GLIPR1: variants seen among roughly 807,000 people sequenced by gnomAD.
The protein encoded by GLIPR1 is GLI pathogenesis related 1.
Under a neutral mutation model 30.3 loss-of-function variants are expected in GLIPR1, and 38 were observed. The ratio of observed to expected loss-of-function variants is 1.26; its 90% CI spans 0.97 to 1.65. GLIPR1 has a LOEUF of 1.65. GLIPR1 is among the 40% of genes most tolerant of loss of function. GLIPR1 has a pLI of 0.00. For synonymous variants in GLIPR1, 122 were observed against 110.6 expected (o/e 1.10, Z -0.65); for missense variants, 285 against 326.5 (o/e 0.87, Z 0.98).
rs774922818 is a variant in GLIPR1, at chr12:75,482,074, A to C, written c.415A>C (p.Thr139Pro). 27 of 1,613,556 alleles carry C rather than the reference A, an allele frequency of 1.7e-5. No individual in the cohort carries two copies. The highest frequency in any genetic ancestry group is 2.1e-5 in the Non-Finnish European group (25 of 1,179,578). ...RICKKVCGHYTQVVWADSYKV... is the reference protein window; with the variant it reads ...RICKKVCGHYPQVVWADSYKV... ...ATGCAAAAAAGTCTGTGGCCACTAC[A>C]CTCAGGTAAGGATCTGCCCTATATT... Residue 139 changes from threonine (T) to proline (P), a missense_variant, in exon 2 of 6, where the codon ACT (threonine) becomes CCT (proline). Transcript: ENST00000266659.
chr12:75,481,979 T>A lies in GLIPR1; in HGVS notation c.320T>A (p.Ile107Asn). 6.2e-7 allele frequency: 1 copy of A among 1,614,076 alleles called. No individual in the cohort carries two copies. The highest frequency in any genetic ancestry group is 8.5e-7 in the Non-Finnish European group (1 of 1,179,962). Residue 107 changes from isoleucine to asparagine, a missense_variant, in exon 2 of 6, where the codon ATT becomes AAT. Coordinates refer to ENST00000266659, the MANE Select transcript of GLIPR1 (RefSeq NM_006851.3). ...AACATCTGGACTGGGTCTGTGCCCA[T>A]TTTTTCTGTGTCTTCCGCCATCACA... The part of the protein sequence containing the change: ...GENIWTGSVP[I>N]FSVSSAITNW...
At chr12:75,483,123 C>CA (rs2046278875) in intron 2 of GLIPR1, among the ~76,000 whole-genome samples, 1 of 152,056 alleles carries the variant, frequency 6.6e-6, no homozygotes, top group Non-Finnish European at 1.5e-5. Flanking sequence ...GGTGCAGTTA[C>CA]AAAAAATTAT....
chr12:75,489,524 C>T (rs1013653647), intron 2 of GLIPR1, among the ~76,000 whole-genome samples: 1 of 152,168 alleles, frequency 6.6e-6, no homozygotes, highest in Non-Finnish European at 1.5e-5. Context: ...TCAACATATT[C>T]TGAACAAAAC....
In GLIPR1 at chr12:75,498,710, C is replaced by T; in HGVS notation, c.636C>T (p.Asp212=). The T allele has an allele frequency of 6.2e-7, 1 of 1,612,716 alleles. No homozygotes were observed. ...LDNLCVNRQR[D]QVKRYYSVVY... is the part of the protein sequence containing the mutation. The stretch of plus-strand genomic sequence containing the variant: ...ACTTTACAGTTAACCGACAGCGAGA[C>T]CAAGTCAAACGTACGTACATCAATC... Residue 212 remains aspartate (D), a synonymous_variant, in exon 5 of 6, where the codon GAC becomes GAT. Coordinates refer to ENST00000266659, the MANE Select transcript of GLIPR1 (RefSeq NM_006851.3).
intron 3 of GLIPR1, chr12:75,490,900 C>T (rs1350911510): frequency 6.4e-6 from 1 of 155,226 alleles, no homozygotes; most frequent in Non-Finnish European, 1.4e-5. Flanking sequence ...GGCAATTTTA[C>T]ACAATTTTCA....
chr12:75,501,850 T>C lies in GLIPR1; in HGVS notation c.*2872T>C, dbSNP rs369679719. 8.9e-6 allele frequency: 14 copies of C among 1,572,636 alleles called. No individual in the cohort carries two copies. The African/African-American group carries it at 1.8e-4, about 20-fold the overall frequency. ...ATAAATAAAAAATATATCAGTTAAA[T>C]GTATTTATAGTTAAATAATTCAAGT... On this transcript the variant is annotated 3_prime_UTR_variant, in exon 6 of 6. Coordinates refer to ENST00000266659, the MANE Select transcript of GLIPR1 (RefSeq NM_006851.3).
At chr12:75,486,545 G>C (rs1003072050) in intron 2 of GLIPR1, among the ~76,000 whole-genome samples, 1 of 152,092 alleles carries the variant, frequency 6.6e-6, no homozygotes, top group East Asian at 1.9e-4. Context: ...AAGCCTTGTG[G>C]CTCCAAAGCC....
rs1385752791 is a variant in GLIPR1, at chr12:75,499,080, G to GA, written c.*109dup. ...TGTACTTCTATTTTAAAACATTTCAGAAAAAAATATATGTTATAGCAATAC... is the reference window on the plus strand; with the variant it reads ...TGTACTTCTATTTTAAAACATTTCAGAAAAAAAATATATGTTATAGCAATAC... On this transcript the variant is annotated 3_prime_UTR_variant, in exon 6 of 6. Transcript: ENST00000266659. 3 of 679,854 alleles carry GA rather than the reference G, an allele frequency of 4.4e-6. No homozygotes were observed. The highest frequency in any genetic ancestry group is 7.0e-6 in the Non-Finnish European group (3 of 430,156). The allele number at this position is 679,854 out of a possible 1,614,324, so 42.1% of individuals were successfully genotyped here.
chr12:75,497,146 A>C (rs2046356389), intron 4 of GLIPR1: 1 of 152,200 alleles, frequency 6.6e-6, no homozygotes, highest in Admixed American at 6.5e-5. Context: ...GACCACTGTG[A>C]CTTTGGGCAA....
intron 2 of GLIPR1, 113 bp downstream of exon 2, chr12:75,482,192 G>C: frequency 1.1e-6 from 1 of 908,190 alleles, no homozygotes; most frequent in Non-Finnish European, 1.7e-6. Flanking sequence ...AAATATAAGG[G>C]AGTTAAATAG....
rs1008108026 is a variant in GLIPR1 at position 75,490,353 on chromosome 12, C to T, written c.421-53C>T. The T allele has an allele frequency of 1.5e-5, 15 of 985,188 alleles. No homozygotes were observed. In the African/African-American group the frequency reaches 2.2e-4, roughly 15 times the overall value. The allele number at this position is 985,188 out of a possible 1,614,324, so 61.0% of individuals were successfully genotyped here. A position where few individuals can be genotyped will look rare whatever the true frequency, so the allele number is the denominator to read the frequency against. On this transcript the variant is annotated intron_variant, in intron 2 of 5. Coordinates refer to ENST00000266659, the MANE Select transcript of GLIPR1 (RefSeq NM_006851.3). ...CCATGTTTATGAAGACCTAATCATACCCAATGTTTATCTTATGGTTTTTCT... is the reference window on the plus strand; with the variant it reads ...CCATGTTTATGAAGACCTAATCATATCCAATGTTTATCTTATGGTTTTTCT...
chr12:75,499,660 T>C lies in GLIPR1; in HGVS notation c.*682T>C. 1 of 420,702 alleles carries C rather than the reference T, an allele frequency of 2.4e-6. No individual in the cohort carries two copies. Among genetic ancestry groups the C allele is most frequent in the Non-Finnish European group, 4.1e-6 (1 of 246,668 alleles). The allele number at this position is 420,702 out of a possible 1,614,324, so 26.1% of individuals were successfully genotyped here. ...TTCAAAAAATACAATAATAATATAA[T>C]TTATAAAGAACACTCTTCTATGAAC... On this transcript the variant is annotated 3_prime_UTR_variant, in exon 6 of 6. Coordinates refer to ENST00000266659, the MANE Select transcript of GLIPR1 (RefSeq NM_006851.3).
In GLIPR1 at chr12:75,490,441, A is replaced by G. The variant is rs2046315148; in HGVS notation, c.456A>G (p.Ala152=). The change falls in exon 3 of 6, where the codon GCA becomes GCG. Residue 152 remains alanine, a synonymous_variant. Transcript: ENST00000266659. ...CAGATAGTTACAAAGTTGGCTGCGC[A>G]GTTCAATTTTGCCCTAAAGTTTCTG... ...VWADSYKVGC[A]VQFCPKVSGF... The G allele has an allele frequency of 6.3e-7, 1 of 1,591,408 alleles. No individual in the cohort carries two copies. The highest frequency in any genetic ancestry group is 8.6e-7 in the Non-Finnish European group (1 of 1,165,446).
In GLIPR1 at chr12:75,503,847, G is replaced by C. The variant is rs1453972845; in HGVS notation, c.*4869G>C. On this transcript the variant is annotated 3_prime_UTR_variant, in exon 6 of 6. Transcript: ENST00000266659. ...CTGAAATACTTTCAATAAAGTTTCT[G>C]ACCAAATACATTAAAATAGATTCTC... is the stretch of plus-strand genomic sequence containing the variant. 1 of 1,463,202 alleles carries C rather than the reference G, an allele frequency of 6.8e-7. No individual in the cohort carries two copies. The highest frequency in any genetic ancestry group is 2.1e-5 in the Admixed American group (1 of 48,422). 90.6% of individuals were successfully genotyped at this position (1,463,202 alleles called of 1,614,324 possible).
At chr12:75,494,324 T>C (rs558244095) in intron 3 of GLIPR1, 13 of 152,218 alleles carry the variant, frequency 8.5e-5, no homozygotes, top group Non-Finnish European at 1.8e-4. Context: ...ACATTTCCTT[T>C]CATTATGAAT....
chr12:75,492,065 C>T (rs1024018461), intron 3 of GLIPR1: 3 of 149,448 alleles, frequency 2.0e-5, no homozygotes, highest in Admixed American at 6.7e-5. Context: ...AGCCATAATT[C>T]AGTTAGTGGT....
chr12:75,500,030 A>ATATATGTT lies in GLIPR1; in HGVS notation c.*1055_*1062dup. On this transcript the variant is annotated 3_prime_UTR_variant, in exon 6 of 6. Transcript: ENST00000266659. ...ACAAAGAATATATGTTTAACAAAGAATATATGTTTAAGGCAGTTAACTTCA... is the reference window on the plus strand; with the variant it reads ...ACAAAGAATATATGTTTAACAAAGAATATATGTTTATATGTTTAAGGCAGTTAACTTCA... The ATATATGTT allele has an allele frequency of 8.7e-7, 1 of 1,155,608 alleles. No homozygotes were observed. Among genetic ancestry groups the ATATATGTT allele is most frequent in the Non-Finnish European group, 1.2e-6 (1 of 821,742 alleles). 71.6% of individuals were successfully genotyped at this position (1,155,608 alleles called of 1,614,324 possible).
rs2046267785 is a variant in GLIPR1, at chr12:75,481,032, C to T, written c.152C>T (p.Thr51Ile). The T allele has an allele frequency of 6.2e-7, 1 of 1,613,336 alleles. No homozygotes were observed. Among genetic ancestry groups the T allele is most frequent in the Non-Finnish European group, 8.5e-7 (1 of 1,179,426 alleles). Residue 51 changes from threonine (T) to isoleucine (I), a missense_variant, in exon 1 of 6, where the codon ACA becomes ATA. Thr to Ile is a moderately conservative substitution (Grantham distance 89). Transcript: ENST00000266659. ...HNKFRSEVKP[T>I]ASDMLYMTWD... ...AAGTTCCGATCAGAGGTGAAACCAA[C>T]AGCCAGTGATATGCTATACATGGTA...
Position 75,503,312 on chromosome 12 carries a change from TTCTC to T in GLIPR1, c.*4336_*4339del, listed in dbSNP as rs1160947962. 2.0e-5 allele frequency: 3 copies of T among 152,154 alleles called. No individual in the cohort carries two copies. The highest frequency in any genetic ancestry group is 7.2e-5 in the African/African-American group (3 of 41,406). The allele number at this position is 152,154 out of a possible 1,614,324, so 9.4% of individuals were successfully genotyped here. A position where few individuals can be genotyped will look rare whatever the true frequency, so the allele number is the denominator to read the frequency against. ...ATGAAATTAATCCAAAGATAAAACT[TTCTC>T]TAACTTAATTTGGTAGCCACGTTGC... On this transcript the variant is annotated 3_prime_UTR_variant, in exon 6 of 6. Transcript: ENST00000266659.
Sources: gnomAD v4.1 joint callset for allele counts (sites outside exome capture counted in the v4.1 genomes callset) on GRCh38, gnomAD v4.1.1 for gene constraint, MANE v1.5 for transcripts, NCBI Gene and HGNC (gene_info 2026-07-23, HGNC 2026-07-21) for gene names.